Variants in ADCY3 observed in about 807,000 individuals in gnomAD.
ADCY3 encodes adenylate cyclase type 3.
A neutral mutation model predicts 119.4 loss-of-function variants in ADCY3; 70 were observed. The observed-to-expected ratio is 0.59, with a 90% CI of 0.48 to 0.72. The LOEUF (loss-of-function observed/expected upper bound fraction) is 0.72, where lower values mean the gene tolerates loss of function less well. Ranked by LOEUF, ADCY3 falls within the 30% of genes least tolerant of loss-of-function variation. ADCY3 has a pLI of 0.00. For missense variants in ADCY3, 1,238 were observed against 1,541.6 expected (o/e 0.80, Z 3.30); for synonymous variants, 672 against 621.4 (o/e 1.08, Z -1.21).
intron 2 of ADCY3, among the ~76,000 whole-genome samples, chr2:24,906,309 A>C (rs1291754523): frequency 6.6e-6 from 1 of 152,168 alleles, no homozygotes; most frequent in Admixed American, 6.5e-5. Context: ...TGTTTAAAAA[A>C]AAAATAAAAA....
intron 2 of ADCY3, among the ~76,000 whole-genome samples, chr2:24,896,428 A>G (rs2148964267): frequency 6.6e-6 from 1 of 151,850 alleles, no homozygotes; most frequent in African/African-American, 2.4e-5. Context: ...TGATAATTCC[A>G]TCACATCTTT....
chr2:24,841,506 GGCCATGAGGGCAGGCCCCGCTGGAGA>G lies in ADCY3; in HGVS notation c.1068+24_1068+49del. 1.3e-6 allele frequency: 2 copies of G among 1,595,094 alleles called. No homozygotes were observed. The highest frequency in any genetic ancestry group is 1.7e-6 in the Non-Finnish European group (2 of 1,168,540). On this transcript the variant is annotated intron_variant, in intron 5 of 21. Transcript: ENST00000679454. The surrounding 1 kb of genome is among the most constrained non-coding windows in gnomAD (Gnocchi z 5.8). ...GGGCCGGGGATGGGGGCCAGGCAGAGGCCATGAGGGCAGGCCCCGCTGGAGAGCCAGGCGGGGCCAGGGACTTACAG... is the reference window on the plus strand; with the variant it reads ...GGGCCGGGGATGGGGGCCAGGCAGAGGCCAGGCGGGGCCAGGGACTTACAG...
intron 3 of ADCY3, among the ~76,000 whole-genome samples, chr2:24,847,945 G>A (rs1266603557): frequency 6.6e-6 from 1 of 152,240 alleles, no homozygotes; most frequent in Non-Finnish European, 1.5e-5. Flanking sequence ...CCGCACTGGA[G>A]TGTGCGGCCC....
At position 24,842,243 on chromosome 2, in the gene ADCY3, G is replaced by T. The variant is rs946242105; in HGVS notation, c.956+11C>A. The T allele has an allele frequency of 6.2e-7, 1 of 1,613,914 alleles. No homozygotes were observed. Among genetic ancestry groups the T allele is most frequent in the Non-Finnish European group, 8.5e-7 (1 of 1,179,966 alleles). On this transcript the variant is annotated intron_variant, in intron 4 of 21. Coordinates refer to ENST00000679454, the MANE Select transcript of ADCY3 (RefSeq NM_004036.5). This position sits in a 1 kb window ranked among gnomAD's most constrained non-coding sequence, Gnocchi z 4.9. Reference sequence around the variant, plus strand: ...CTCTGCCATCAGAGCCCGCGCCCCGGGCCGGCGTACCTGACGTTCTCGTGA... The same window carrying T: ...CTCTGCCATCAGAGCCCGCGCCCCGTGCCGGCGTACCTGACGTTCTCGTGA...
At position 24,842,449 on chromosome 2, in the gene ADCY3, C is replaced by A; in HGVS notation, c.826-65G>T. The A allele has an allele frequency of 6.2e-7, 1 of 1,600,642 alleles. No homozygotes were observed. ...CTGCTAGAGGCAAGTTCAGATACTT[C>A]TGGGAAGAAATGCCCCGATCCTGGC... On this transcript the variant is annotated intron_variant, in intron 3 of 21. Coordinates refer to ENST00000679454, the MANE Select transcript of ADCY3 (RefSeq NM_004036.5). The surrounding 1 kb of genome is among the most constrained non-coding windows in gnomAD (Gnocchi z 4.9).
chr2:24,908,316 T>G (rs1306179855), intron 2 of ADCY3, among the ~76,000 whole-genome samples: 5 of 151,044 alleles, frequency 3.3e-5, no homozygotes, highest in South Asian at 2.1e-4. Context: ...AGAGCGAAAC[T>G]CCGTCTCAAA....
intron 2 of ADCY3, among the ~76,000 whole-genome samples, chr2:24,894,796 C>A (rs1678073762): frequency 6.6e-6 from 1 of 151,892 alleles, no homozygotes; most frequent in South Asian, 2.1e-4. Context: ...TACAGGTCTG[C>A]TGGTTACGAA....
chr2:24,903,090 T>C (rs547888329), intron 2 of ADCY3, among the ~76,000 whole-genome samples: 2 of 146,286 alleles, frequency 1.4e-5, no homozygotes, highest in African/African-American at 2.6e-5. Flanking sequence ...AAGATTGCAG[T>C]GAGCCAAGAT....
rs189352896 is a variant in ADCY3, at chr2:24,822,462, C to G, written c.3003+49G>C. ...CATGCTAGGTCTGGGCTGCCAATCT[C>G]TTGCCTTGGGGGCAGAGCCTCATCT... On this transcript the variant is annotated intron_variant, in intron 19 of 21. Transcript: ENST00000679454. 6.3e-6 allele frequency: 10 copies of G among 1,599,212 alleles called. No homozygotes were observed. In the African/African-American group the frequency reaches 1.1e-4, roughly 17 times the overall value.
rs75812186 is a variant in ADCY3, at chr2:24,918,533, A to G, written c.455T>C (p.Phe152Ser). The change falls in exon 2 of 22, where the codon TTC becomes TCC. Residue 152 changes from phenylalanine (F) to serine (S), a missense_variant. Around this residue, in one of 7 missense-constraint regions of ADCY3, gnomAD observed 227 missense variants for 249.3 expected, o/e 0.91. Coordinates refer to ENST00000679454, the MANE Select transcript of ADCY3 (RefSeq NM_004036.5). The surrounding 1 kb of genome is among the most constrained non-coding windows in gnomAD (Gnocchi z 5.4). ...CGCGAAGTTCAGGCCCAGGTAGGAG[A>G]AGATCTGGGCGGTTATGAGCAGCCA... ...VLWLLITAQI[F>S]SYLGLNFARA... The G allele has an allele frequency of 6.2e-7, 1 of 1,613,962 alleles. No homozygotes were observed. Among genetic ancestry groups the G allele is most frequent in the African/African-American group, 1.3e-5 (1 of 75,048 alleles).
At position 24,852,645 on chromosome 2, in the gene ADCY3, C is replaced by T. The variant is rs555540211; in HGVS notation, c.826-10261G>A. ...GAGAGGCCTGATGCCAGGACAGCCC[C>T]GGACCTCGACAGAGGCCTGCTGCTC... On this transcript the variant is annotated intron_variant, in intron 3 of 21. Coordinates refer to ENST00000679454, the MANE Select transcript of ADCY3 (RefSeq NM_004036.5). 5.9e-5 allele frequency among the ~76,000 whole-genome samples: 9 copies of T among 152,362 alleles called. No individual in the cohort carries two copies. In the East Asian group the frequency reaches 1.2e-3, roughly 20 times the overall value.
At chr2:24,846,226 T>C (rs898431392) in intron 3 of ADCY3, among the ~76,000 whole-genome samples, 4 of 152,088 alleles carry the variant, frequency 2.6e-5, no homozygotes, top group African/African-American at 9.7e-5. Flanking sequence ...GACCCCAGAA[T>C]GGTAGATCCA....
At chr2:24,917,661 G>A (rs954677787) in intron 2 of ADCY3, among the ~76,000 whole-genome samples, 4 of 152,240 alleles carry the variant, frequency 2.6e-5, no homozygotes, top group African/African-American at 9.6e-5. Flanking sequence ...CGTCACAGTG[G>A]CCGGCATGAC....
chr2:24,912,431 G>A (rs1372242774), intron 2 of ADCY3, among the ~76,000 whole-genome samples: 2 of 152,236 alleles, frequency 1.3e-5, no homozygotes. Flanking sequence ...ACCCTCGTGG[G>A]ATTTGCTGTT....
At chr2:24,917,815 T>C (rs1664640831) in intron 2 of ADCY3, among the ~76,000 whole-genome samples, 1 of 152,174 alleles carries the variant, frequency 6.6e-6, no homozygotes, top group Admixed American at 6.5e-5. Flanking sequence ...TCACGTATCC[T>C]AATGCGCTTT....
Position 24,823,293 on chromosome 2 carries a change from A to G in ADCY3, c.2799T>C (p.Ala933=), listed in dbSNP as rs772602552. The change falls in exon 18 of 22, where the codon GCT becomes GCC. Residue 933 remains alanine, a synonymous_variant. Coordinates refer to ENST00000679454, the MANE Select transcript of ADCY3 (RefSeq NM_004036.5). ...GVMFASLPNF[A]DFYTEESINN... is the part of the protein sequence containing the mutation. Reference sequence around the variant, plus strand: ...TGATGCTCTCCTCTGTGTAGAAGTCAGCAAAGTTGGGCAGGGAGGCAAACA... The same window carrying G: ...TGATGCTCTCCTCTGTGTAGAAGTCGGCAAAGTTGGGCAGGGAGGCAAACA... The G allele has an allele frequency of 5.6e-6, 9 of 1,613,786 alleles. No individual in the cohort carries two copies. The South Asian group carries it at 9.9e-5, about 18-fold the overall frequency.
In ADCY3 at chr2:24,821,509, G is replaced by A. The variant is rs762780810; in HGVS notation, c.3127+8C>T. 6.2e-7 allele frequency: 1 copy of A among 1,613,760 alleles called. No homozygotes were observed. Among genetic ancestry groups the A allele is most frequent in the East Asian group, 2.2e-5 (1 of 44,870 alleles). On this transcript the variant is annotated splice_region_variant and intron_variant, in intron 20 of 21. Transcript: ENST00000679454. ...CTGCTGCGGGGCAGGCCAGCTGGGG[G>A]TGCTCACCTATGCGCAGCATGAAGT...
intron 3 of ADCY3, among the ~76,000 whole-genome samples, chr2:24,859,425 G>C (rs1431853309): frequency 6.6e-6 from 1 of 152,146 alleles, no homozygotes; most frequent in African/African-American, 2.4e-5. Context: ...GGCACTAGAA[G>C]CCCAACCCCA....
intron 2 of ADCY3, among the ~76,000 whole-genome samples, chr2:24,911,893 C>T (rs1046211490): frequency 6.6e-6 from 1 of 152,178 alleles, no homozygotes; most frequent in East Asian, 1.9e-4. Context: ...CTCCAAAATC[C>T]TACTGACCTG....
Sources: allele counts gnomAD v4.1 joint callset (sites outside exome capture counted in the v4.1 genomes callset), GRCh38; gene constraint gnomAD v4.1.1; regional missense constraint gnomAD v4.1.1; non-coding constraint Gnocchi (gnomAD v3.1); transcripts MANE v1.5; gene names NCBI Gene and HGNC (gene_info 2026-07-23, HGNC 2026-07-21).